The following DIP2C variants were observed in gnomAD, a reference collection of about 807,000 sequenced individuals.
DIP2C encodes disco-interacting protein 2 homolog C.
Under a neutral mutation model 192.4 loss-of-function variants are expected in DIP2C, and 33 were observed. The observed-to-expected ratio is 0.17, with a 90% CI of 0.13 to 0.23. The LOEUF (loss-of-function observed/expected upper bound fraction) is 0.23. Ranked by LOEUF, DIP2C falls within the 10% of genes least tolerant of loss-of-function variation. The pLI is 1.00. For missense variants in DIP2C, 1,537 were observed against 2,110.1 expected (o/e 0.73, Z 5.32); for synonymous variants, 979 against 864.1 (o/e 1.13, Z -2.33).
chr10:579,411 A>G (rs1348489725), intron 1 of DIP2C, among the ~76,000 whole-genome samples: 2 of 151,992 alleles, frequency 1.3e-5, no homozygotes, highest in Non-Finnish European at 2.9e-5. Flanking sequence ...CCAGATCCAT[A>G]TAGCGTATGT....
At chr10:662,107 A>G (rs1338801642) in intron 1 of DIP2C, 3 of 717,426 alleles carry the variant, frequency 4.2e-6, no homozygotes, top group East Asian at 2.7e-5. Context: ...GTGGCTTCCT[A>G]GTATCTGACA....
intron 29 of DIP2C, 76 bp downstream of exon 29, chr10:341,123 T>C: frequency 1.2e-6 from 2 of 1,600,904 alleles, no homozygotes; most frequent in Non-Finnish European, 1.7e-6. Context: ...GTGCTTAGGT[T>C]GCCTGGCTGG....
chr10:388,070 C>T (rs2132931223), intron 13 of DIP2C, among the ~76,000 whole-genome samples: 1 of 152,140 alleles, frequency 6.6e-6, no homozygotes, highest in South Asian at 2.1e-4. Context: ...AGCGTTCCTT[C>T]TCCTTTTATA....
intron 1 of DIP2C, among the ~76,000 whole-genome samples, chr10:566,070 A>T (rs1259265161): frequency 6.6e-6 from 1 of 152,228 alleles, no homozygotes; most frequent in Non-Finnish European, 1.5e-5. Flanking sequence ...AAACAAAAAA[A>T]CCACGTATCT....
Position 286,352 on chromosome 10 carries a change from T to G in DIP2C, c.4045-5A>C, listed in dbSNP as rs1226012252. 1.2e-6 allele frequency: 2 copies of G among 1,614,028 alleles called. No homozygotes were observed. The highest frequency in any genetic ancestry group is 1.7e-5 in the Admixed American group (1 of 60,022). On this transcript the variant is annotated splice_polypyrimidine_tract_variant and splice_region_variant and intron_variant, in intron 33 of 36. Coordinates refer to ENST00000280886, the MANE Select transcript of DIP2C (RefSeq NM_014974.3). Reference sequence around the variant, plus strand: ...AATCCGAACCCCTGGAAGTATCTATTTGGGAGAGGAAAAGTCTCTTGTCAA... The same window carrying G: ...AATCCGAACCCCTGGAAGTATCTATGTGGGAGAGGAAAAGTCTCTTGTCAA...
intron 29 of DIP2C, among the ~76,000 whole-genome samples, chr10:338,511 C>T (rs1957982341): frequency 6.6e-6 from 1 of 152,118 alleles, no homozygotes; most frequent in African/African-American, 2.4e-5. Context: ...GACCACTTAC[C>T]ATCACGTTAC....
intron 1 of DIP2C, among the ~76,000 whole-genome samples, chr10:534,668 A>ATTTTTT (rs66643213): frequency 3.1e-5 from 4 of 130,660 alleles, no homozygotes; most frequent in African/African-American, 1.1e-4. Context: ...CTGGATGATT[A>ATTTTTT]TTATTTTTTT....
intron 1 of DIP2C, chr10:668,023 AGAC>A (rs1281445706): frequency 6.6e-6 from 1 of 152,228 alleles, no homozygotes; most frequent in East Asian, 1.9e-4. Context: ...TACAACATAC[AGAC>A]AACACATGCA....
chr10:342,010 G>A (rs1475525653), intron 28 of DIP2C, among the ~76,000 whole-genome samples: 1 of 152,220 alleles, frequency 6.6e-6, no homozygotes, highest in Non-Finnish European at 1.5e-5. Context: ...GGGAATGTGA[G>A]TGGCTGATAT....
intron 3 of DIP2C, among the ~76,000 whole-genome samples, chr10:447,809 C>G (rs1968404012): frequency 8.5e-6 from 1 of 117,988 alleles, no homozygotes; most frequent in African/African-American, 5.2e-5. Context: ...GCAGCAGGAC[C>G]CGCTCACTCC....
intron 1 of DIP2C, among the ~76,000 whole-genome samples, chr10:486,851 C>G (rs187099181): frequency 3.3e-5 from 5 of 152,196 alleles, no homozygotes; most frequent in Non-Finnish European, 5.9e-5. Context: ...GCCTGGTGGC[C>G]GGGGCTCTCG....
chr10:590,930 C>T (rs777237005), intron 1 of DIP2C, among the ~76,000 whole-genome samples: 1 of 148,752 alleles, frequency 6.7e-6, no homozygotes, highest in East Asian at 1.9e-4. Flanking sequence ...CCTCGGTCTC[C>T]GAGCCTCCAG....
chr10:497,335 A>G (rs1588302515), intron 1 of DIP2C, among the ~76,000 whole-genome samples: 1 of 152,212 alleles, frequency 6.6e-6, no homozygotes, highest in African/African-American at 2.4e-5. Flanking sequence ...ATGGAAGGCC[A>G]ACTCTGCACC....
rs575539397 is a variant in DIP2C at position 348,534 on chromosome 10, G to A, written c.3231+107C>T. ...GACCGTTTGACTCCAGACACACCCC[G>A]GCTTCCACAGCCAGCAGCTGCCCCA... On this transcript the variant is annotated intron_variant, in intron 26 of 36. Coordinates refer to ENST00000280886, the MANE Select transcript of DIP2C (RefSeq NM_014974.3). 1,256 of 1,523,830 alleles carry A rather than the reference G, an allele frequency of 8.2e-4. 8 individuals are homozygous for A. In the Middle Eastern group the frequency reaches 8.5e-3, roughly 10 times the overall value. 94.4% of individuals were successfully genotyped at this position (1,523,830 alleles called of 1,614,324 possible).
chr10:587,834 G>T (rs112943700), intron 1 of DIP2C, among the ~76,000 whole-genome samples: 40 of 84,038 alleles, frequency 4.8e-4, no homozygotes, highest in Admixed American at 1.3e-3. Context: ...ATCCACACCA[G>T]CCACTGCCTC....
chr10:385,299 G>C (rs1409177632), intron 14 of DIP2C, among the ~76,000 whole-genome samples: 1 of 152,212 alleles, frequency 6.6e-6, no homozygotes, highest in Admixed American at 6.5e-5. Flanking sequence ...GGTAGGGTCT[G>C]GGTGTAATCC....
chr10:381,155 CT>C (rs1962336484), intron 17 of DIP2C, among the ~76,000 whole-genome samples: 1 of 152,200 alleles, frequency 6.6e-6, no homozygotes, highest in South Asian at 2.1e-4. Flanking sequence ...GATAGAGTTG[CT>C]GCCTAATTCA....
intron 1 of DIP2C, among the ~76,000 whole-genome samples, chr10:606,463 G>C (rs11812418): frequency 7.5e-6 from 1 of 133,416 alleles, no homozygotes; most frequent in Non-Finnish European, 1.5e-5. Flanking sequence ...GCCCCGCTGC[G>C]GTAATTACCT....
At chr10:543,900 AG>A (rs57742005) in intron 1 of DIP2C, among the ~76,000 whole-genome samples, 23,603 of 152,066 alleles carry the variant, frequency 0.16, 2,924 homozygotes, top group African/African-American at 0.34. Flanking sequence ...ATCCATTAAG[AG>A]TCAGCACCTG....
Sources: gnomAD v4.1 joint callset for allele counts (sites outside exome capture counted in the v4.1 genomes callset) on GRCh38, gnomAD v4.1.1 for gene constraint, MANE v1.5 for transcripts, NCBI Gene and HGNC (gene_info 2026-07-23, HGNC 2026-07-21) for gene names.